PTPRR: variants seen among roughly 807,000 people sequenced by gnomAD.
PTPRR encodes protein tyrosine phosphatase receptor type R.
Under a neutral mutation model 77.2 loss-of-function variants are expected in PTPRR, and 38 were observed. The observed-to-expected ratio is 0.49, with a 90% CI of 0.38 to 0.65. The LOEUF (loss-of-function observed/expected upper bound fraction) is 0.65, where lower values mean the gene tolerates loss of function less well. PTPRR is among the 30% of genes least tolerant of loss of function. The pLI, the probability that PTPRR is intolerant of heterozygous loss-of-function variation, is 0.00. For synonymous variants in PTPRR, 299 were observed against 283.1 expected, an observed-to-expected ratio of 1.06 and a Z score of -0.57; for missense variants, 744 against 799.2, an observed-to-expected ratio of 0.93 and a Z score of 0.83.
At chr12:70,688,439 C>T (rs368880298) in intron 8 of PTPRR, among the ~76,000 whole-genome samples, 6 of 151,972 alleles carry the variant, frequency 3.9e-5, no homozygotes, top group African/African-American at 7.3e-5. Context: ...AACAGATCTA[C>T]GAAAAAATGT....
intron 2 of PTPRR, among the ~76,000 whole-genome samples, chr12:70,834,851 C>T (rs1892274132): frequency 6.6e-6 from 1 of 152,094 alleles, no homozygotes; most frequent in Non-Finnish European, 1.5e-5. Context: ...GAATATTTTT[C>T]TAGCATCTCT....
At chr12:70,890,091 A>G (rs1893308809) in intron 2 of PTPRR, among the ~76,000 whole-genome samples, 1 of 152,078 alleles carries the variant, frequency 6.6e-6, no homozygotes, top group South Asian at 2.1e-4. Context: ...AAATATCCTG[A>G]GGATCCAGTG....
At chr12:70,669,520 A>AT (rs1479026100) in intron 10 of PTPRR, among the ~76,000 whole-genome samples, 8 of 139,332 alleles carry the variant, frequency 5.7e-5, no homozygotes, top group African/African-American at 2.3e-4. Flanking sequence ...TATATATATA[A>AT]GCTATATATA....
chr12:70,782,411 T>G (rs1245154024), intron 2 of PTPRR, among the ~76,000 whole-genome samples: 1 of 152,152 alleles, frequency 6.6e-6, no homozygotes, highest in Non-Finnish European at 1.5e-5. Context: ...GTGGCACTAT[T>G]CACAATAGCA....
In PTPRR at chr12:70,702,289, T is replaced by C. The variant is rs17108626; in HGVS notation, c.1008-966A>G. Among the ~76,000 whole-genome samples, 474 of 152,076 alleles carry C rather than the reference T, an allele frequency of 3.1e-3. 2 individuals are homozygous for C. Among genetic ancestry groups the C allele is most frequent in the African/African-American group, 0.01 (434 of 41,492 alleles). ...TGTGGACCAAGGGGTAACTATGAAATAGCATGTGAGAGACTGAGGATTGAA... is the reference window on the plus strand; with the variant it reads ...TGTGGACCAAGGGGTAACTATGAAACAGCATGTGAGAGACTGAGGATTGAA... On this transcript the variant is annotated intron_variant, in intron 6 of 13. Coordinates refer to ENST00000283228, the MANE Select transcript of PTPRR (RefSeq NM_002849.4).
At chr12:70,820,348 G>A (rs894341089) in intron 2 of PTPRR, among the ~76,000 whole-genome samples, 1 of 152,028 alleles carries the variant, frequency 6.6e-6, no homozygotes, top group Non-Finnish European at 1.5e-5. Flanking sequence ...TTTTTTTGGT[G>A]AGATGGAGTC....
rs1890898290 is a variant in PTPRR, at chr12:70,768,933, G to GA, written c.358-4156dup. Among the ~76,000 whole-genome samples, 3 of 151,478 alleles carry GA rather than the reference G, an allele frequency of 2.0e-5. No individual in the cohort carries two copies. In the South Asian group the frequency reaches 6.3e-4, roughly 32 times the overall value. ...CCACATGATTATCTCAACAGATGCA[G>GA]AAAAAGCCTTTGACAAAATTCAACA... On this transcript the variant is annotated intron_variant, in intron 2 of 13. Transcript: ENST00000283228.
intron 4 of PTPRR, among the ~76,000 whole-genome samples, chr12:70,757,317 T>A (rs981868273): frequency 6.6e-6 from 1 of 152,206 alleles, no homozygotes; most frequent in East Asian, 1.9e-4. Context: ...TAATTTGCAA[T>A]TGAACAACAA....
intron 2 of PTPRR, among the ~76,000 whole-genome samples, chr12:70,856,320 A>T (rs1892651417): frequency 6.6e-6 from 1 of 152,118 alleles, no homozygotes; most frequent in Admixed American, 6.6e-5. Context: ...GTAATGGGAG[A>T]ATTGAGGAAA....
intron 6 of PTPRR, among the ~76,000 whole-genome samples, chr12:70,721,951 A>T (rs1218893341): frequency 6.6e-6 from 1 of 152,180 alleles, no homozygotes; most frequent in Non-Finnish European, 1.5e-5. Flanking sequence ...CCCCAATTTA[A>T]AATGTATCCA....
chr12:70,762,173 T>C (rs945666393), intron 3 of PTPRR, among the ~76,000 whole-genome samples: 1 of 152,184 alleles, frequency 6.6e-6, no homozygotes, highest in Admixed American at 6.5e-5. Context: ...AATTGGTCAT[T>C]TGGTGGAAAT....
At chr12:70,702,846 C>T (rs1217639791) in intron 6 of PTPRR, among the ~76,000 whole-genome samples, 1 of 151,854 alleles carries the variant, frequency 6.6e-6, no homozygotes, top group Non-Finnish European at 1.5e-5. Flanking sequence ...GTTGAAACTA[C>T]TTGATTTTTT....
intron 2 of PTPRR, among the ~76,000 whole-genome samples, chr12:70,768,838 T>A (rs1890895833): frequency 6.6e-6 from 1 of 151,670 alleles, no homozygotes; most frequent in African/African-American, 2.4e-5. Flanking sequence ...ATCCCTGGGA[T>A]GCAAGGCTGG....
intron 2 of PTPRR, among the ~76,000 whole-genome samples, chr12:70,870,632 A>C (rs1056438231): frequency 5.3e-5 from 8 of 152,206 alleles, no homozygotes; most frequent in African/African-American, 1.9e-4. Flanking sequence ...TGTCACTGGA[A>C]TGTCAAAAGA....
rs767603067 is a variant in PTPRR, at chr12:70,761,648, T to C, written c.472-22A>G. Reference sequence around the variant, plus strand: ...TTCCCTAATAAAAGCAGAATATTTGTATTTGTTATAGACATTTTAAACAAC... The same window carrying C: ...TTCCCTAATAAAAGCAGAATATTTGCATTTGTTATAGACATTTTAAACAAC... On this transcript the variant is annotated intron_variant, in intron 3 of 13. Transcript: ENST00000283228. 10 of 1,526,768 alleles carry C rather than the reference T, an allele frequency of 6.5e-6. No individual in the cohort carries two copies. In the South Asian group the frequency reaches 7.6e-5, roughly 12 times the overall value. The allele number at this position is 1,526,768 out of a possible 1,614,324, so 94.6% of individuals were successfully genotyped here.
chr12:70,915,756 T>C (rs959171657), intron 1 of PTPRR, among the ~76,000 whole-genome samples: 2 of 152,182 alleles, frequency 1.3e-5, no homozygotes, highest in Non-Finnish European at 2.9e-5. Flanking sequence ...TGAGGCAACA[T>C]GAGTTTTGGA....
At chr12:70,818,532 G>C (rs1891947588) in intron 2 of PTPRR, among the ~76,000 whole-genome samples, 1 of 152,098 alleles carries the variant, frequency 6.6e-6, no homozygotes, top group African/African-American at 2.4e-5. Flanking sequence ...TGCAGAAGAA[G>C]ATTGAACTTG....
chr12:70,838,201 T>A (rs2137539), intron 2 of PTPRR, among the ~76,000 whole-genome samples: 6,901 of 152,170 alleles, frequency 0.045, 345 homozygotes, highest in African/African-American at 0.12. Context: ...ATCTTAAGGA[T>A]ATTGACAATA....
In PTPRR at chr12:70,671,984, C is replaced by T. The variant is rs1566058080; in HGVS notation, c.1498-9379G>A. On this transcript the variant is annotated intron_variant, in intron 10 of 13. Transcript: ENST00000283228. ...GCAGGCTCAGAAGTGGCCCTTTCAA[C>T]CCTCCAGAGACATGAGACTAGTCCA... 4 of 1,298,782 alleles carry T rather than the reference C, an allele frequency of 3.1e-6. No homozygotes were observed. The South Asian group carries it at 3.6e-5, about 12-fold the overall frequency. The allele number at this position is 1,298,782 out of a possible 1,614,324, so 80.5% of individuals were successfully genotyped here.
Sources: gnomAD v4.1 joint callset for allele counts (sites outside exome capture counted in the v4.1 genomes callset) on GRCh38, gnomAD v4.1.1 for gene constraint, MANE v1.5 for transcripts, NCBI Gene and HGNC (gene_info 2026-07-23, HGNC 2026-07-21) for gene names.